Variants in STPG1 observed in about 807,000 individuals in gnomAD.
STPG1 encodes the protein sperm tail PG-rich repeat containing 1.
A neutral mutation model predicts 40.1 loss-of-function variants in STPG1; 33 were observed. That is an observed-to-expected ratio of 0.82 (90% CI 0.62 to 1.10). The LOEUF is 1.10. Ranked by LOEUF, STPG1 falls within the 50% of genes least tolerant of loss-of-function variation. The pLI, the probability that STPG1 is intolerant of heterozygous loss-of-function variation, is 0.00. For synonymous variants in STPG1, 150 were observed against 155.0 expected (o/e 0.97, Z 0.24); for missense variants, 396 against 415.1 (o/e 0.95, Z 0.40).
At position 24,398,086 on chromosome 1, in the gene STPG1, A is replaced by G. The variant is rs1419705194; in HGVS notation, c.70+3233T>C. Among the ~76,000 whole-genome samples the G allele has an allele frequency of 5.9e-5, 9 of 152,090 alleles. No homozygotes were observed. In the East Asian group the frequency reaches 1.7e-3, roughly 29 times the overall value. On this transcript the variant is annotated intron_variant, in intron 2 of 8. Coordinates refer to ENST00000337248, the MANE Select transcript of STPG1 (RefSeq NM_001199013.2). ...AAAATTTCTATGACTTCACATTCTT[A>G]TCAGCAATGGGAAGTCTTTTTAATC...
chr1:24,369,799 T>C lies in STPG1; in HGVS notation c.612A>G (p.Pro204=). Residue 204 remains proline (P), a synonymous_variant, in exon 7 of 9, where the codon CCA becomes CCG. Coordinates refer to ENST00000337248, the MANE Select transcript of STPG1 (RefSeq NM_001199013.2). The part of the protein sequence containing the change: ...DINESLVKQS[P]NTLMSCFKSK... Reference sequence around the variant, plus strand: ...ATTTAAAACAAGACATTAATGTATTTGGCGACTGCTTCACAAGGGATTCGT... The same window carrying C: ...ATTTAAAACAAGACATTAATGTATTCGGCGACTGCTTCACAAGGGATTCGT... The C allele has an allele frequency of 6.2e-7, 1 of 1,612,060 alleles. No homozygotes were observed. Among genetic ancestry groups the C allele is most frequent in the Non-Finnish European group, 8.5e-7 (1 of 1,178,416 alleles).
At chr1:24,392,959 G>C (rs1642843769) in intron 2 of STPG1, among the ~76,000 whole-genome samples, 1 of 152,120 alleles carries the variant, frequency 6.6e-6, no homozygotes, top group Admixed American at 6.6e-5. Context: ...CTTCATCTCT[G>C]AATTTTTTTA....
chr1:24,388,028 G>A (rs965981574), intron 3 of STPG1, among the ~76,000 whole-genome samples: 7 of 152,162 alleles, frequency 4.6e-5, no homozygotes. Context: ...CTATGTAATG[G>A]TATTAACATA....
Position 24,399,063 on chromosome 1 carries a change from T to C in STPG1, c.70+2256A>G, listed in dbSNP as rs142955476. Among the ~76,000 whole-genome samples, 624 of 152,232 alleles carry C rather than the reference T, an allele frequency of 4.1e-3. 3 individuals are homozygous for C. Among genetic ancestry groups the C allele is most frequent in the Middle Eastern group, 0.024 (7 of 294 alleles). On this transcript the variant is annotated intron_variant, in intron 2 of 8. Coordinates refer to ENST00000337248, the MANE Select transcript of STPG1 (RefSeq NM_001199013.2). This position sits in a 1 kb window ranked among gnomAD's most constrained non-coding sequence, Gnocchi z 4.0. ...AAATATCATGTGTGCACCATAAATATGTACAACTATTATGTATCCATAAAA... is the reference window on the plus strand; with the variant it reads ...AAATATCATGTGTGCACCATAAATACGTACAACTATTATGTATCCATAAAA...
At chr1:24,361,381 G>A (rs7537779) in intron 7 of STPG1, among the ~76,000 whole-genome samples, 12,715 of 152,152 alleles carry the variant, frequency 0.084, 1,109 homozygotes, top group African/African-American at 0.22. Context: ...ATGGCAGGCC[G>A]TGTATATCTC....
intron 7 of STPG1, among the ~76,000 whole-genome samples, chr1:24,367,807 C>A (rs1459713630): frequency 6.6e-6 from 1 of 152,196 alleles, no homozygotes; most frequent in Non-Finnish European, 1.5e-5. Context: ...AGTCACCATG[C>A]CCAACCGGTA....
rs1361981849 is a variant in STPG1 at position 24,360,887 on chromosome 1, T to C, written c.892A>G (p.Thr298Ala). Reference sequence around the variant, plus strand: ...AGGCCTGGCTGAGGCGGCGCCGCTGTCCACCGGCTGGTATTGGACACGAAT... The same window carrying C: ...AGGCCTGGCTGAGGCGGCGCCGCTGCCCACCGGCTGGTATTGGACACGAAT... ...ASFVSNTSRW[T>A]AAPPQPGLPG... Residue 298 changes from threonine (T) to alanine (A), a missense_variant, in exon 8 of 9, where the codon ACA (threonine) becomes GCA (alanine). Transcript: ENST00000337248. The C allele has an allele frequency of 1.2e-6, 2 of 1,613,544 alleles. No homozygotes were observed. The highest frequency in any genetic ancestry group is 2.7e-5 in the African/African-American group (2 of 74,930).
intron 1 of STPG1, among the ~76,000 whole-genome samples, chr1:24,411,106 C>T (rs550997659): frequency 7.2e-5 from 11 of 152,284 alleles, no homozygotes; most frequent in South Asian, 4.1e-4. Flanking sequence ...TTTTAATATA[C>T]GCACAGGGAT....
rs1038165594 is a variant in STPG1, at chr1:24,402,187, C to T, written c.-68-731G>A. Among the ~76,000 whole-genome samples the T allele has an allele frequency of 2.6e-5, 4 of 152,190 alleles. No homozygotes were observed. The East Asian group carries it at 7.7e-4, about 29-fold the overall frequency. On this transcript the variant is annotated intron_variant, in intron 1 of 8. Coordinates refer to ENST00000337248, the MANE Select transcript of STPG1 (RefSeq NM_001199013.2). ...CAGCACCCTCCCAACCACTGCTCTGCTGTCACAATTGTTGCCTTTCTAGAA... is the reference window on the plus strand; with the variant it reads ...CAGCACCCTCCCAACCACTGCTCTGTTGTCACAATTGTTGCCTTTCTAGAA...
intron 7 of STPG1, chr1:24,364,353 C>A: frequency 6.5e-7 from 1 of 1,544,946 alleles, no homozygotes; most frequent in Non-Finnish European, 8.7e-7. Context: ...GCCTGCACTT[C>A]ACTGTAAACT....
intron 5 of STPG1, among the ~76,000 whole-genome samples, chr1:24,374,628 T>G (rs540623227): frequency 1.3e-4 from 20 of 151,426 alleles, no homozygotes; most frequent in East Asian, 3.9e-4. Flanking sequence ...GCTACTTTTT[T>G]TTTGTTTGTT....
chr1:24,379,543 C>G, intron 5 of STPG1, 110 bp downstream of exon 5: 1 of 1,276,354 alleles, frequency 7.8e-7, no homozygotes, highest in Non-Finnish European at 1.1e-6. Context: ...CAAATGCTAA[C>G]TGGCTTGACA....
chr1:24,407,715 C>T (rs1643469584), intron 1 of STPG1, among the ~76,000 whole-genome samples: 1 of 152,138 alleles, frequency 6.6e-6, no homozygotes, highest in Non-Finnish European at 1.5e-5. Context: ...GGATTACAGG[C>T]ATGAGCCACC....
chr1:24,360,355 A>C (rs1413485934), intron 8 of STPG1, among the ~76,000 whole-genome samples: 1 of 152,224 alleles, frequency 6.6e-6, no homozygotes, highest in African/African-American at 2.4e-5. Flanking sequence ...AGGCTGAGGC[A>C]TGAGAATTGC....
intron 5 of STPG1, 76 bp downstream of exon 5, chr1:24,379,577 C>T: frequency 6.6e-7 from 1 of 1,520,980 alleles, no homozygotes; most frequent in Non-Finnish European, 9.1e-7. Flanking sequence ...ACGATGTCCC[C>T]AAGATCCCCT....
At chr1:24,385,058 G>A (rs974469945) in intron 3 of STPG1, among the ~76,000 whole-genome samples, 5 of 152,124 alleles carry the variant, frequency 3.3e-5, no homozygotes, top group Admixed American at 6.5e-5. Flanking sequence ...GAGACAGCCC[G>A]ACTCCAGAGC....
chr1:24,411,223 A>G (rs1433668371), intron 1 of STPG1, among the ~76,000 whole-genome samples: 2 of 152,244 alleles, frequency 1.3e-5, no homozygotes, highest in African/African-American at 2.4e-5. Flanking sequence ...CCAGTGAGGT[A>G]TAATCCCCAC....
At chr1:24,400,023 G>A (rs533150079) in intron 2 of STPG1, among the ~76,000 whole-genome samples, 3 of 152,268 alleles carry the variant, frequency 2.0e-5, no homozygotes, top group African/African-American at 4.8e-5. Flanking sequence ...CACTCCTCAG[G>A]TATAGACCCA....
rs942903553 is a variant in STPG1 at position 24,359,350 on chromosome 1, G to A, written c.929-731C>T. Among the ~76,000 whole-genome samples the A allele has an allele frequency of 1.3e-5, 2 of 152,250 alleles. No homozygotes were observed. The highest frequency in any genetic ancestry group is 2.4e-5 in the African/African-American group (1 of 41,474). Reference sequence around the variant, plus strand: ...GGCAATGCTTCCAGAGGATGTGGTAGAGCAGGGTCAAAGCAGGATCCCTGC... The same window carrying A: ...GGCAATGCTTCCAGAGGATGTGGTAAAGCAGGGTCAAAGCAGGATCCCTGC... On this transcript the variant is annotated intron_variant, in intron 8 of 8. Transcript: ENST00000337248. The surrounding 1 kb of genome is among the most constrained non-coding windows in gnomAD (Gnocchi z 5.3).
Sources: allele counts gnomAD v4.1 joint callset (sites outside exome capture counted in the v4.1 genomes callset), GRCh38; gene constraint gnomAD v4.1.1; non-coding constraint Gnocchi (gnomAD v3.1); transcripts MANE v1.5; gene names NCBI Gene and HGNC (gene_info 2026-07-23, HGNC 2026-07-21).